CCDC171: variants seen among roughly 807,000 people sequenced by gnomAD.
CCDC171 encodes the protein coiled-coil domain-containing protein 171.
In CCDC171, 177 loss-of-function variants were observed where a neutral mutation model predicts 168.2. That is an observed-to-expected ratio of 1.05 (90% CI 0.93 to 1.19). CCDC171 has a LOEUF of 1.19. Among genes scored for constraint, CCDC171 ranks in the 50% most tolerant of loss-of-function variants. The pLI is 0.00. For synonymous variants in CCDC171, 687 were observed against 540.8 expected (o/e 1.27, Z -3.75); for missense variants, 1,991 against 1,539.0 (o/e 1.29, Z -4.91).
At chr9:15,677,323 C>T (rs2049654723) in intron 9 of CCDC171, among the ~76,000 whole-genome samples, 1 of 152,054 alleles carries the variant, frequency 6.6e-6, no homozygotes, top group Non-Finnish European at 1.5e-5. Context: ...GCTACTCTGC[C>T]TTGGAATATT....
At chr9:15,628,742 A>T (rs1015672087) in intron 7 of CCDC171, among the ~76,000 whole-genome samples, 2 of 152,076 alleles carry the variant, frequency 1.3e-5, no homozygotes, top group African/African-American at 4.8e-5. Context: ...TGGGTCCCTG[A>T]CCCCTGAACC....
downstream of CCDC171, among the ~76,000 whole-genome samples, chr9:16,063,847 G>T (rs1833962870): frequency 1.3e-5 from 2 of 152,208 alleles, no homozygotes; most frequent in Non-Finnish European, 2.9e-5. Flanking sequence ...CTCACCCGAG[G>T]TCACACAGCT....
intron 18 of CCDC171, among the ~76,000 whole-genome samples, chr9:15,773,484 G>T (rs550738931): frequency 1.3e-5 from 2 of 152,184 alleles, no homozygotes; most frequent in East Asian, 3.9e-4. Context: ...ATTGGAAAAA[G>T]TAATTTCAGA....
chr9:15,823,636 G>T (rs2059890523), intron 21 of CCDC171, among the ~76,000 whole-genome samples: 2 of 152,054 alleles, frequency 1.3e-5, no homozygotes, highest in African/African-American at 4.8e-5. Flanking sequence ...GCATGAGGAC[G>T]CTGCTTTATA....
At chr9:15,961,656 A>G (rs558744525) in intron 25 of CCDC171, among the ~76,000 whole-genome samples, 40 of 152,308 alleles carry the variant, frequency 2.6e-4, no homozygotes, top group Non-Finnish European at 4.9e-4. Context: ...ACCTTTAACT[A>G]TCCAATTACA....
chr9:15,631,647 G>A (rs943512722), intron 7 of CCDC171, among the ~76,000 whole-genome samples: 1 of 152,086 alleles, frequency 6.6e-6, no homozygotes, highest in African/African-American at 2.4e-5. Context: ...AGAAAAAGAG[G>A]GAATCCTCCC....
intron 7 of CCDC171, among the ~76,000 whole-genome samples, chr9:15,649,457 A>G (rs1360807795): frequency 6.6e-6 from 1 of 152,214 alleles, no homozygotes; most frequent in Non-Finnish European, 1.5e-5. Context: ...CAGAGCGAAC[A>G]GGTAACCTAC....
intron 7 of CCDC171, among the ~76,000 whole-genome samples, chr9:15,644,932 A>T (rs931618703): frequency 6.6e-6 from 1 of 152,200 alleles, no homozygotes; most frequent in Admixed American, 6.5e-5. Flanking sequence ...CTGAGAACAA[A>T]CACACTACCT....
chr9:15,850,312 G>A (rs2061072293), intron 23 of CCDC171: 1 of 151,908 alleles, frequency 6.6e-6, no homozygotes, highest in South Asian at 2.1e-4. Flanking sequence ...AATATGAAAT[G>A]TAAGTGTTGT....
intron 10 of CCDC171, among the ~76,000 whole-genome samples, chr9:15,692,606 C>G (rs1442758606): frequency 6.6e-6 from 1 of 150,728 alleles, no homozygotes; most frequent in Admixed American, 6.6e-5. Context: ...CGGCTCACTG[C>G]AAGCTCCGCC....
At chr9:15,669,787 A>G (rs2048978136) in intron 9 of CCDC171, among the ~76,000 whole-genome samples, 1 of 152,104 alleles carries the variant, frequency 6.6e-6, no homozygotes, top group African/African-American at 2.4e-5. Flanking sequence ...CTTAGACTCA[A>G]TATTTAGGAA....
the CCDC171 span, among the ~76,000 whole-genome samples, chr9:16,081,717 T>G: frequency 6.6e-6 from 1 of 152,206 alleles, no homozygotes; most frequent in African/African-American, 2.4e-5. Context: ...CACAGAACCT[T>G]AAAGAAAATA....
intron 21 of CCDC171, among the ~76,000 whole-genome samples, chr9:15,827,773 A>T (rs183442131): frequency 2.6e-5 from 4 of 152,264 alleles, no homozygotes; most frequent in African/African-American, 9.6e-5. Context: ...ACTTGAGTTC[A>T]AAGACCTTGT....
chr9:16,069,123 T>G, the CCDC171 span, among the ~76,000 whole-genome samples: 14 of 152,212 alleles, frequency 9.2e-5, no homozygotes, highest in Admixed American at 6.5e-4. Context: ...GGCCTTGGTA[T>G]ACACTTTTAT....
intron 24 of CCDC171, chr9:15,875,807 C>A (rs1044869403): frequency 6.6e-6 from 1 of 151,662 alleles, no homozygotes; most frequent in African/African-American, 2.4e-5. Context: ...TTAGATTGTC[C>A]AATATGTCTA....
chr9:15,891,994 C>T (rs1307632218), intron 24 of CCDC171, among the ~76,000 whole-genome samples: 1 of 152,076 alleles, frequency 6.6e-6, no homozygotes, highest in Admixed American at 6.6e-5. Context: ...CCCAATCCCC[C>T]ATCTTTTTCT....
At chr9:15,853,230 A>G (rs1419803252) in intron 23 of CCDC171, among the ~76,000 whole-genome samples, 1 of 151,652 alleles carries the variant, frequency 6.6e-6, no homozygotes, top group Non-Finnish European at 1.5e-5. Flanking sequence ...CTTTCTACTT[A>G]TTTAGATCTT....
chr9:16,000,995 A>C (rs1311566480), intron 3 of CCDC171, among the ~76,000 whole-genome samples: 1 of 152,096 alleles, frequency 6.6e-6, no homozygotes, highest in Admixed American at 6.6e-5. Flanking sequence ...GAAGATGATG[A>C]TTGGCTCATT....
intron 6 of CCDC171, among the ~76,000 whole-genome samples, chr9:15,607,312 T>G (rs2043302333): frequency 6.6e-6 from 1 of 152,180 alleles, no homozygotes; most frequent in Non-Finnish European, 1.5e-5. Context: ...TGCCACAACT[T>G]CAGCCCCAAA....
Sources: gnomAD v4.1 joint callset for allele counts (sites outside exome capture counted in the v4.1 genomes callset) on GRCh38, gnomAD v4.1.1 for gene constraint, MANE v1.5 for transcripts, NCBI Gene and HGNC (gene_info 2026-07-23, HGNC 2026-07-21) for gene names.